Variants in STAG1 observed in about 807,000 individuals in gnomAD.
STAG1 encodes the protein STAG1 cohesin complex component.
A neutral mutation model predicts 170.9 loss-of-function variants in STAG1; 26 were observed. The ratio of observed to expected loss-of-function variants is 0.15; its 90% CI spans 0.11 to 0.21. STAG1 has a LOEUF of 0.21. Among genes scored for constraint, STAG1 ranks in the 10% least tolerant of loss-of-function variants. The probability of loss-of-function intolerance (pLI) is 1.00; values close to 1 mark genes in which losing one functional copy is unlikely to be tolerated. For synonymous variants in STAG1, 514 were observed against 497.7 expected, an observed-to-expected ratio of 1.03 and a Z score of -0.44; for missense variants, 964 against 1,509.5, an observed-to-expected ratio of 0.64 and a Z score of 5.99.
chr3:136,723,500 C>A (rs1559973219), intron 1 of STAG1, among the ~76,000 whole-genome samples: 1 of 151,354 alleles, frequency 6.6e-6, no homozygotes, highest in Non-Finnish European at 1.5e-5. Flanking sequence ...GCCCGGCAGC[C>A]ACCCCATCTG....
intron 5 of STAG1, among the ~76,000 whole-genome samples, chr3:136,553,741 T>C (rs1248284993): frequency 6.6e-6 from 1 of 152,200 alleles, no homozygotes; most frequent in Non-Finnish European, 1.5e-5. Flanking sequence ...GCCACTGCGC[T>C]CCAGCCTGGC....
intron 1 of STAG1, among the ~76,000 whole-genome samples, chr3:136,658,769 T>A (rs1941476229): frequency 6.6e-6 from 1 of 152,220 alleles, no homozygotes; most frequent in South Asian, 2.1e-4. Context: ...TAGTAGTAGG[T>A]GGAGACTGAT....
intron 13 of STAG1, among the ~76,000 whole-genome samples, chr3:136,455,058 A>G (rs574237327): frequency 1.3e-5 from 2 of 152,348 alleles, no homozygotes; most frequent in Admixed American, 6.5e-5. Flanking sequence ...TTATGGAGTG[A>G]AGCTTTCATT....
chr3:136,339,093 A>G (rs1329676687), intron 32 of STAG1, among the ~76,000 whole-genome samples: 1 of 152,142 alleles, frequency 6.6e-6, no homozygotes, highest in East Asian at 1.9e-4. Context: ...CTAATTGAAT[A>G]TAGTTGGGGC....
At chr3:136,418,359 CCAAAAAAAAAAAAAAAAA>C (rs1463645941) in intron 20 of STAG1, among the ~76,000 whole-genome samples, 40 of 18,776 alleles carry the variant, frequency 2.1e-3, no homozygotes, top group African/African-American at 0.015. Flanking sequence ...GACTCTGTCT[CCAAAAAAAAAAAAAAAAA>C]AAAAAAAAAA....
At chr3:136,569,096 G>A (rs1469661083) in intron 4 of STAG1, among the ~76,000 whole-genome samples, 5 of 151,806 alleles carry the variant, frequency 3.3e-5, no homozygotes, top group African/African-American at 4.8e-5. Context: ...AAAACAAATC[G>A]GACCTTACCA....
At chr3:136,413,432 AT>A (rs961998375) in intron 21 of STAG1, among the ~76,000 whole-genome samples, 4 of 151,260 alleles carry the variant, frequency 2.6e-5, no homozygotes, top group Admixed American at 1.3e-4. Context: ...AGAATACGTA[AT>A]TTCTTTTTGA....
At chr3:136,652,817 G>A (rs546301855) in intron 1 of STAG1, among the ~76,000 whole-genome samples, 25 of 152,186 alleles carry the variant, frequency 1.6e-4, no homozygotes, top group African/African-American at 4.8e-4. Flanking sequence ...TCTCAACCTC[G>A]GCATTATTGA....
At chr3:136,676,541 GCTCAAGTGATC>G (rs1203430334) in intron 1 of STAG1, among the ~76,000 whole-genome samples, 9 of 152,198 alleles carry the variant, frequency 5.9e-5, no homozygotes, top group African/African-American at 1.9e-4. Context: ...AAACTCCTGG[GCTCAAGTGATC>G]CTCAAACCTC....
chr3:136,580,430 A>T (rs113291696), intron 4 of STAG1, among the ~76,000 whole-genome samples: 7 of 152,304 alleles, frequency 4.6e-5, no homozygotes, highest in African/African-American at 1.4e-4. Flanking sequence ...ACTAAACAGT[A>T]AAAAGGTGGC....
intron 1 of STAG1, among the ~76,000 whole-genome samples, chr3:136,656,825 A>T (rs145193438): frequency 1.3e-5 from 2 of 152,108 alleles, no homozygotes; most frequent in East Asian, 3.9e-4. Context: ...TTACACGTCA[A>T]AAAAAATGTA....
chr3:136,548,039 G>A (rs572632865), intron 5 of STAG1, among the ~76,000 whole-genome samples: 1 of 152,028 alleles, frequency 6.6e-6, no homozygotes, highest in African/African-American at 2.4e-5. Context: ...CCATACATAC[G>A]TGAATTACTT....
intron 1 of STAG1, among the ~76,000 whole-genome samples, chr3:136,688,945 T>C (rs1460316078): frequency 1.3e-5 from 2 of 152,224 alleles, no homozygotes; most frequent in African/African-American, 4.8e-5. Flanking sequence ...TACAGTTGCA[T>C]TTCTTTGTTC....
At chr3:136,478,595 A>G (rs1371043138) in intron 9 of STAG1, among the ~76,000 whole-genome samples, 1 of 152,190 alleles carries the variant, frequency 6.6e-6, no homozygotes, top group African/African-American at 2.4e-5. Flanking sequence ...CTATCATTTT[A>G]GCTAAAATTT....
chr3:136,634,479 A>T (rs991171186), intron 1 of STAG1, among the ~76,000 whole-genome samples: 8 of 151,858 alleles, frequency 5.3e-5, no homozygotes, highest in South Asian at 2.1e-4. Context: ...GAATCTCAAA[A>T]TTTTTTTTTA....
intron 21 of STAG1, among the ~76,000 whole-genome samples, chr3:136,411,695 A>G (rs1307320083): frequency 6.6e-6 from 1 of 152,166 alleles, no homozygotes; most frequent in African/African-American, 2.4e-5. Context: ...TCACATCTGT[A>G]ATCCCAGCAC....
chr3:136,513,285 A>C (rs1444591485), intron 7 of STAG1, among the ~76,000 whole-genome samples: 1 of 152,022 alleles, frequency 6.6e-6, no homozygotes, highest in African/African-American at 2.4e-5. Context: ...TGAACCCAGG[A>C]GGCATAGGTC....
chr3:136,373,957 T>G (rs1179142976), intron 23 of STAG1, among the ~76,000 whole-genome samples: 7 of 152,256 alleles, frequency 4.6e-5, no homozygotes, highest in African/African-American at 1.4e-4. Context: ...AGTCTCCCAT[T>G]ATTATTGTGT....
At chr3:136,357,947 C>T in intron 27 of STAG1, 99 bp from the exon 28 acceptor site, 1 of 981,782 alleles carries the variant, frequency 1.0e-6, no homozygotes, top group Non-Finnish European at 1.5e-6. Context: ...AAAATTATCA[C>T]AAAAGGTAGT....
Sources: allele counts gnomAD v4.1 joint callset (sites outside exome capture counted in the v4.1 genomes callset), GRCh38; gene constraint gnomAD v4.1.1; transcripts MANE v1.5; gene names NCBI Gene and HGNC (gene_info 2026-07-23, HGNC 2026-07-21).